Variants in FER1L6 observed in about 807,000 individuals in gnomAD.
FER1L6 encodes the protein fer-1 like family member 6, also known as fer-1-like protein 6.
FER1L6 carries 177 observed loss-of-function variants against 219.2 expected under a neutral mutation model. That is an observed-to-expected ratio of 0.81 (90% CI 0.71 to 0.91). FER1L6 has a LOEUF of 0.91. Ranked by LOEUF, FER1L6 falls within the 40% of genes least tolerant of loss-of-function variation. The pLI, the probability that FER1L6 is intolerant of heterozygous loss-of-function variation, is 0.00. For synonymous variants in FER1L6, 768 were observed against 824.3 expected (o/e 0.93, Z 1.17); for missense variants, 2,153 against 2,259.9 (o/e 0.95, Z 0.96).
chr8:124,055,709 A>G (rs2130804150), intron 22 of FER1L6, among the ~76,000 whole-genome samples: 1 of 152,086 alleles, frequency 6.6e-6, no homozygotes, highest in South Asian at 2.1e-4. Context: ...TTGGTTTCCT[A>G]TTGCTGCTCT....
intron 25 of FER1L6, 109 bp downstream of exon 25, chr8:124,062,141 G>T (rs1462924931): frequency 2.0e-5 from 24 of 1,191,548 alleles, no homozygotes; most frequent in Non-Finnish European, 2.9e-5. Context: ...CAAGTGGCTG[G>T]GTGGATCTTT....
intron 2 of FER1L6, among the ~76,000 whole-genome samples, chr8:123,956,993 T>C (rs998810411): frequency 6.6e-6 from 1 of 152,204 alleles, no homozygotes; most frequent in Non-Finnish European, 1.5e-5. Flanking sequence ...AGTGGACAGA[T>C]GGGGTGGTCC....
chr8:124,013,888 T>C (rs1450084985), intron 15 of FER1L6, among the ~76,000 whole-genome samples: 1 of 152,138 alleles, frequency 6.6e-6, no homozygotes, highest in Non-Finnish European at 1.5e-5. Flanking sequence ...AAGCTATTAA[T>C]ATATAAAATA....
intron 15 of FER1L6, chr8:124,014,370 G>A (rs866791707): frequency 6.5e-6 from 1 of 152,674 alleles, no homozygotes; most frequent in African/African-American, 2.4e-5. Flanking sequence ...TCTTGGAGCT[G>A]TCCTTAGAAG....
At chr8:123,971,460 G>A (rs1028937098) in intron 6 of FER1L6, among the ~76,000 whole-genome samples, 1 of 152,184 alleles carries the variant, frequency 6.6e-6, no homozygotes, top group Admixed American at 6.5e-5. Flanking sequence ...AGGATTGTCT[G>A]ATGAACAGTT....
intron 18 of FER1L6, among the ~76,000 whole-genome samples, chr8:124,029,481 G>A (rs1818865430): frequency 6.6e-6 from 1 of 152,090 alleles, no homozygotes; most frequent in African/African-American, 2.4e-5. Context: ...GTGTGAGATG[G>A]TATCTCACTG....
intron 1 of FER1L6, among the ~76,000 whole-genome samples, chr8:123,865,544 G>T (rs1412763652): frequency 1.3e-5 from 2 of 151,492 alleles, no homozygotes; most frequent in African/African-American, 2.5e-5. Flanking sequence ...GTTTACCTAA[G>T]CAAGCCTGGG....
At chr8:124,075,796 G>A (rs1053594999) in intron 31 of FER1L6, among the ~76,000 whole-genome samples, 1 of 152,128 alleles carries the variant, frequency 6.6e-6, no homozygotes, top group African/African-American at 2.4e-5. Flanking sequence ...CATCGTACAT[G>A]TGGTCAGTCC....
chr8:123,868,195 G>A (rs1311237500), intron 1 of FER1L6, among the ~76,000 whole-genome samples: 2 of 152,156 alleles, frequency 1.3e-5, no homozygotes, highest in African/African-American at 4.8e-5. Context: ...CTTCATCAGA[G>A]TTTTCAAACA....
chr8:123,856,905 G>A (rs1211164598), intron 1 of FER1L6, among the ~76,000 whole-genome samples: 2 of 152,212 alleles, frequency 1.3e-5, no homozygotes, highest in Admixed American at 1.3e-4. Context: ...TGGAGATGGG[G>A]CAGACCAGCC....
At position 124,087,925 on chromosome 8, in the gene FER1L6, C is replaced by T. The variant is rs1055119009; in HGVS notation, c.4392-3498C>T. On this transcript the variant is annotated intron_variant, in intron 33 of 40. Transcript: ENST00000522917. ...GACTCTTTTTCTCCTTTCTTTTCCC[C>T]AAACAAATGGGGTTTATCTTTCTGT... Among the ~76,000 whole-genome samples, 7 of 152,214 alleles carry T rather than the reference C, an allele frequency of 4.6e-5. No individual in the cohort carries two copies. The East Asian group carries it at 1.4e-3, about 30-fold the overall frequency.
intron 2 of FER1L6, among the ~76,000 whole-genome samples, chr8:123,959,841 G>T (rs1240059011): frequency 6.6e-6 from 1 of 152,182 alleles, no homozygotes; most frequent in African/African-American, 2.4e-5. Flanking sequence ...AAAACAGTGT[G>T]ATATAAACAG....
Position 123,986,149 on chromosome 8 carries a change from A to G in FER1L6, c.1492A>G (p.Lys498Glu). 1 of 1,612,424 alleles carries G rather than the reference A, an allele frequency of 6.2e-7. No individual in the cohort carries two copies. The change falls in exon 12 of 41, where the codon AAA (lysine) becomes GAA (glutamate). Residue 498 changes from lysine to glutamate, a missense_variant. Coordinates refer to ENST00000522917, the MANE Select transcript of FER1L6 (RefSeq NM_001039112.2). ...ATMIDRKIGD[K>E]PISFEVSIGN... is the part of the protein sequence containing the mutation. The stretch of plus-strand genomic sequence containing the variant: ...CATGATTGACCGGAAGATTGGAGAT[A>G]AACCCATCAGCTTTGAAGTTTCTAT...
Position 123,927,579 on chromosome 8 carries a change from C to A in FER1L6, c.-7-28413C>A, listed in dbSNP as rs553758303. Among the ~76,000 whole-genome samples, 6 of 152,214 alleles carry A rather than the reference C, an allele frequency of 3.9e-5. No homozygotes were observed. The East Asian group carries it at 9.7e-4, about 25-fold the overall frequency. On this transcript the variant is annotated intron_variant, in intron 1 of 40. Coordinates refer to ENST00000522917, the MANE Select transcript of FER1L6 (RefSeq NM_001039112.2). ...TAATAATTATCCTGAGTTTTGAAAA[C>A]CTTTACGTTGGTTTTTTGTAGCAGC...
intron 1 of FER1L6, among the ~76,000 whole-genome samples, chr8:123,938,241 T>C (rs1814081557): frequency 6.6e-6 from 1 of 152,236 alleles, no homozygotes; most frequent in Non-Finnish European, 1.5e-5. Context: ...ACACGGGGAA[T>C]ACCTCCTTGG....
rs971437190 is a variant in FER1L6, at chr8:124,039,979, G to C, written c.2562G>C (p.Thr854=). The C allele has an allele frequency of 5.6e-6, 9 of 1,613,940 alleles. No homozygotes were observed. The highest frequency in any genetic ancestry group is 1.6e-4 in the Middle Eastern group (1 of 6,084). The change falls in exon 20 of 41, where the codon ACG becomes ACC. Residue 854 remains threonine (T), a synonymous_variant. Transcript: ENST00000522917. ...TTTCAGACCCTTTTGCCAAAGTCAC[G>C]TTCCTTTCTCACTGCCAGACAACAA... ...NGLSDPFAKV[T]FLSHCQTTKI...
At chr8:123,880,169 G>C (rs947827339) in intron 1 of FER1L6, among the ~76,000 whole-genome samples, 1 of 151,932 alleles carries the variant, frequency 6.6e-6, no homozygotes, top group African/African-American at 2.4e-5. Flanking sequence ...CCAACTCCCA[G>C]TTCCCAACTT....
chr8:124,058,659 T>C (rs1820419117), intron 22 of FER1L6: 1 of 152,200 alleles, frequency 6.6e-6, no homozygotes, highest in Non-Finnish European at 1.5e-5. Context: ...ATATGATGCT[T>C]TTTAAAAAGC....
At chr8:124,060,496 G>A (rs966026758) in intron 23 of FER1L6, 52 bp from the exon 24 acceptor site, 24 of 1,603,696 alleles carry the variant, frequency 1.5e-5, no homozygotes, top group Non-Finnish European at 2.0e-5. Flanking sequence ...CAGGGCAGGT[G>A]TGGGGCTCCT....
Sources: gnomAD v4.1 joint callset for allele counts (sites outside exome capture counted in the v4.1 genomes callset) on GRCh38, gnomAD v4.1.1 for gene constraint, MANE v1.5 for transcripts, NCBI Gene and HGNC (gene_info 2026-07-23, HGNC 2026-07-21) for gene names.